Variants in TFAP2D observed in about 807,000 individuals in gnomAD.
TFAP2D encodes the protein transcription factor AP-2 delta.
Under a neutral mutation model 43.6 loss-of-function variants are expected in TFAP2D, and 9 were observed. The ratio of observed to expected loss-of-function variants is 0.21; its 90% CI spans 0.12 to 0.36. The LOEUF (loss-of-function observed/expected upper bound fraction) is 0.36. TFAP2D is among the 10% of genes least tolerant of loss of function. The probability of loss-of-function intolerance (pLI) is 1.00; values close to 1 mark genes in which losing one functional copy is unlikely to be tolerated. For missense variants in TFAP2D, 513 were observed against 561.4 expected, an observed-to-expected ratio of 0.91 and a Z score of 0.87; for synonymous variants, 256 against 224.9, an observed-to-expected ratio of 1.14 and a Z score of -1.24.
chr6:50,772,062 A>G (rs1381767864), intron 7 of TFAP2D, among the ~76,000 whole-genome samples: 1 of 152,236 alleles, frequency 6.6e-6, no homozygotes, highest in East Asian at 1.9e-4. Context: ...CTATGCAGCC[A>G]TAAAAAATGA....
At chr6:50,735,498 G>A (rs1581765167) in intron 5 of TFAP2D, among the ~76,000 whole-genome samples, 1 of 152,142 alleles carries the variant, frequency 6.6e-6, no homozygotes, top group Non-Finnish European at 1.5e-5. Context: ...TTTAAAACCT[G>A]ATGAACCTTC....
intron 2 of TFAP2D, among the ~76,000 whole-genome samples, chr6:50,718,589 T>C (rs772865356): frequency 1.8e-4 from 27 of 152,250 alleles, no homozygotes; most frequent in Non-Finnish European, 2.6e-4. Context: ...ATACGGCCCA[T>C]TTTGGGTAGG....
chr6:50,750,771 T>C (rs1180251964), intron 6 of TFAP2D, among the ~76,000 whole-genome samples: 3 of 152,038 alleles, frequency 2.0e-5, no homozygotes, highest in African/African-American at 7.2e-5. Flanking sequence ...AATGCAATAT[T>C]GGGAAAAAAG....
rs181170099 is a variant in TFAP2D at position 50,752,536 on chromosome 6, A to G, written c.1139+1212A>G. 3.9e-5 allele frequency among the ~76,000 whole-genome samples: 6 copies of G among 152,086 alleles called. No homozygotes were observed. The East Asian group carries it at 9.7e-4, about 25-fold the overall frequency. On this transcript the variant is annotated intron_variant, in intron 7 of 7. Transcript: ENST00000008391. ...AAGCTGTTGAGGAGGGCACTTCATT[A>G]TATAAAATAACAAGTGTTTAAATAA...
At chr6:50,762,972 T>C (rs192323590) in intron 7 of TFAP2D, among the ~76,000 whole-genome samples, 2 of 152,270 alleles carry the variant, frequency 1.3e-5, no homozygotes, top group Non-Finnish European at 1.5e-5. Flanking sequence ...TTTGCCTTTT[T>C]AGTTTAGACT....
Position 50,715,098 on chromosome 6 carries a change from T to TC in TFAP2D, c.40-13dup. The TC allele has an allele frequency of 6.2e-7, 1 of 1,605,310 alleles. No homozygotes were observed. Among genetic ancestry groups the TC allele is most frequent in the Non-Finnish European group, 8.5e-7 (1 of 1,172,954 alleles). ...CCTCAAGTTTTTCTGCTCTCCCTTTTCCCCCTCTTCCTTCCAGATACGTCA... is the reference window on the plus strand; with the variant it reads ...CCTCAAGTTTTTCTGCTCTCCCTTTTCCCCCCTCTTCCTTCCAGATACGTCA... On this transcript the variant is annotated splice_polypyrimidine_tract_variant and intron_variant, in intron 1 of 7. Coordinates refer to ENST00000008391, the MANE Select transcript of TFAP2D (RefSeq NM_172238.4).
At chr6:50,751,498 T>C (rs1769200236) in intron 7 of TFAP2D, among the ~76,000 whole-genome samples, 174 bp downstream of exon 7, 2 of 151,992 alleles carry the variant, frequency 1.3e-5, no homozygotes, top group Non-Finnish European at 2.9e-5. Flanking sequence ...AACAGAAATA[T>C]ATTTTTTACA....
Position 50,715,428 on chromosome 6 carries a change from A to T in TFAP2D, c.352A>T (p.Asn118Tyr). ...GEPTDFINLH[N>Y]ARALKSSCLD... Reference sequence around the variant, plus strand: ...GCCCACCGACTTTATTAACCTGCACAATGCGCGGGCGCTCAAGTCGTCCTG... The same window carrying T: ...GCCCACCGACTTTATTAACCTGCACTATGCGCGGGCGCTCAAGTCGTCCTG... Residue 118 changes from asparagine to tyrosine, a missense_variant, in exon 2 of 8, where the codon AAT becomes TAT. Physicochemically the swap from Asn to Tyr is moderately radical, Grantham distance 143. Around this residue, in one of 3 missense-constraint regions of TFAP2D, gnomAD observed 311 missense variants for 316.2 expected, o/e 0.98. Transcript: ENST00000008391. 6.2e-7 allele frequency: 1 copy of T among 1,614,106 alleles called. No homozygotes were observed. The highest frequency in any genetic ancestry group is 8.5e-7 in the Non-Finnish European group (1 of 1,180,016).
At chr6:50,733,600 TTA>T (rs1490620841) in intron 5 of TFAP2D, among the ~76,000 whole-genome samples, 1 of 152,158 alleles carries the variant, frequency 6.6e-6, no homozygotes, top group Non-Finnish European at 1.5e-5. Flanking sequence ...AACACCCTTG[TTA>T]TATGTTTATT....
intron 2 of TFAP2D, among the ~76,000 whole-genome samples, chr6:50,716,841 G>T (rs1428948499): frequency 1.3e-5 from 2 of 152,122 alleles, no homozygotes; most frequent in East Asian, 3.9e-4. Flanking sequence ...CCCTTGTTGC[G>T]CACAAAAAAT....
intron 3 of TFAP2D, among the ~76,000 whole-genome samples, chr6:50,720,910 T>C (rs191612085): frequency 6.6e-6 from 1 of 152,308 alleles, no homozygotes; most frequent in East Asian, 1.9e-4. Context: ...CCTTCTGAAA[T>C]GCTTGGAAAC....
intron 7 of TFAP2D, 113 bp downstream of exon 7, chr6:50,751,437 T>C (rs1475338232): frequency 2.9e-6 from 2 of 692,922 alleles, no homozygotes; most frequent in Non-Finnish European, 5.1e-6. Context: ...ACTGTCCTAG[T>C]CCTTTCAGAT....
chr6:50,761,307 C>T (rs1209407675), intron 7 of TFAP2D, among the ~76,000 whole-genome samples: 1 of 151,206 alleles, frequency 6.6e-6, no homozygotes, highest in Non-Finnish European at 1.5e-5. Flanking sequence ...ATGAAATTAG[C>T]TTTTAGTCAA....
At chr6:50,771,688 A>G (rs1769531162) in intron 7 of TFAP2D, among the ~76,000 whole-genome samples, 1 of 152,244 alleles carries the variant, frequency 6.6e-6, no homozygotes, top group South Asian at 2.1e-4. Context: ...AATCAAAACC[A>G]CAATGAGATA....
chr6:50,763,103 A>G (rs1232507310), intron 7 of TFAP2D, among the ~76,000 whole-genome samples: 1 of 151,958 alleles, frequency 6.6e-6, no homozygotes, highest in Non-Finnish European at 1.5e-5. Context: ...TCTCCCCTAA[A>G]TTTCCTATCA....
chr6:50,767,714 A>T (rs1769464140), intron 7 of TFAP2D, among the ~76,000 whole-genome samples: 1 of 152,186 alleles, frequency 6.6e-6, no homozygotes, highest in Admixed American at 6.5e-5. Flanking sequence ...ACACAAACAC[A>T]CAGAAATAGG....
chr6:50,771,901 C>T (rs1435903454), intron 7 of TFAP2D, among the ~76,000 whole-genome samples: 1 of 152,058 alleles, frequency 6.6e-6, no homozygotes, highest in Non-Finnish European at 1.5e-5. Flanking sequence ...GGTATATACC[C>T]AAAGGATTAT....
Position 50,713,536 on chromosome 6 carries a change from C to T in TFAP2D, c.-520C>T, listed in dbSNP as rs1276658683. On this transcript the variant is annotated 5_prime_UTR_variant, in exon 1 of 8. Coordinates refer to ENST00000008391, the MANE Select transcript of TFAP2D (RefSeq NM_172238.4). ...ATATACATATATTGGAGCTAGAGCT[C>T]TAGCTTCACAATAAAATGTGTGCAA... is the stretch of plus-strand genomic sequence containing the variant. 2.6e-5 allele frequency among the ~76,000 whole-genome samples: 4 copies of T among 152,168 alleles called. No homozygotes were observed. The highest frequency in any genetic ancestry group is 5.9e-5 in the Non-Finnish European group (4 of 68,048).
intron 5 of TFAP2D, among the ~76,000 whole-genome samples, chr6:50,741,858 C>T (rs1051392641): frequency 5.3e-5 from 8 of 151,830 alleles, no homozygotes; most frequent in Admixed American, 1.3e-4. Context: ...GGAAATCAAA[C>T]GGAAAACATC....
Sources: allele counts gnomAD v4.1 joint callset (sites outside exome capture counted in the v4.1 genomes callset), GRCh38; gene constraint gnomAD v4.1.1; regional missense constraint gnomAD v4.1.1; transcripts MANE v1.5; gene names NCBI Gene and HGNC (gene_info 2026-07-23, HGNC 2026-07-21).